SHOC2: variants seen among roughly 807,000 people sequenced by gnomAD.
SHOC2 encodes SHOC2 leucine rich repeat scaffold protein.
Under a neutral mutation model 50.2 loss-of-function variants are expected in SHOC2, and 4 were observed. That is an observed-to-expected ratio of 0.08 (90% CI 0.04 to 0.18). The LOEUF (loss-of-function observed/expected upper bound fraction) is 0.18, where lower values mean the gene tolerates loss of function less well. SHOC2 is among the 10% of genes least tolerant of loss of function. The probability of loss-of-function intolerance (pLI) is 1.00; values close to 1 mark genes in which losing one functional copy is unlikely to be tolerated. For synonymous variants in SHOC2, 218 were observed against 244.5 expected, an observed-to-expected ratio of 0.89 and a Z score of 1.01; for missense variants, 388 against 669.6, an observed-to-expected ratio of 0.58 and a Z score of 4.64.
chr10:110,937,053 G>T (rs774657234), intron 1 of SHOC2: 1 of 1,487,554 alleles, frequency 6.7e-7, no homozygotes. Flanking sequence ...GTGTTCATCC[G>T]CTTGCGGAGG....
chr10:111,011,358 A>G (rs182681572), intron 8 of SHOC2, among the ~76,000 whole-genome samples: 286 of 152,296 alleles, frequency 1.9e-3, no homozygotes, highest in Non-Finnish European at 3.4e-3. Flanking sequence ...AAGACCTACC[A>G]TAAAGGAGGA....
At chr10:110,971,209 T>C (rs1847775548) in intron 2 of SHOC2, among the ~76,000 whole-genome samples, 1 of 152,142 alleles carries the variant, frequency 6.6e-6, no homozygotes. Context: ...TTCAATTCAT[T>C]CTGAGTTAGT....
At chr10:111,005,721 A>C (rs528570770) in intron 5 of SHOC2, among the ~76,000 whole-genome samples, 286 of 152,334 alleles carry the variant, frequency 1.9e-3, no homozygotes, top group African/African-American at 6.7e-3. Flanking sequence ...AAAAGGAGAA[A>C]ACAAATGGAA....
At chr10:110,976,004 G>A (rs1847872463) in intron 2 of SHOC2, among the ~76,000 whole-genome samples, 1 of 151,798 alleles carries the variant, frequency 6.6e-6, no homozygotes, top group Non-Finnish European at 1.5e-5. Context: ...TCTGCCTCAC[G>A]GGTTCAAGTG....
intron 1 of SHOC2, chr10:110,936,478 C>G: frequency 1.8e-6 from 1 of 565,144 alleles, no homozygotes; most frequent in Non-Finnish European, 3.1e-6. Flanking sequence ...CGTAGATTCT[C>G]AAAGGATTCT....
intron 2 of SHOC2, among the ~76,000 whole-genome samples, chr10:110,968,852 A>G (rs889344504): frequency 2.0e-5 from 3 of 152,144 alleles, no homozygotes; most frequent in Non-Finnish European, 4.4e-5. Flanking sequence ...AATAGAGCCT[A>G]CTATTTAGTT....
intron 1 of SHOC2, among the ~76,000 whole-genome samples, chr10:110,922,642 T>C (rs897657455): frequency 6.6e-6 from 1 of 151,968 alleles, no homozygotes; most frequent in Non-Finnish European, 1.5e-5. Flanking sequence ...AGCCTTAAGA[T>C]TAATGCTTAT....
At chr10:110,993,069 A>T (rs773719202) in intron 3 of SHOC2, among the ~76,000 whole-genome samples, 2 of 152,248 alleles carry the variant, frequency 1.3e-5, no homozygotes, top group African/African-American at 4.8e-5. Context: ...CTGACAGCGT[A>T]AGAGAAAGCA....
chr10:111,000,006 A>G (rs1818180777), intron 3 of SHOC2, among the ~76,000 whole-genome samples: 1 of 152,182 alleles, frequency 6.6e-6, no homozygotes, highest in South Asian at 2.1e-4. Flanking sequence ...CTCCAAAATT[A>G]CGTGTACATA....
rs187936581 is a variant in SHOC2, at chr10:110,937,075, C to T, written c.-235+17418C>T. ...TCCGCTTGCGGAGGAAAGCCAAGTA[C>T]TTCAACTTGTTTCTGTAGAAATTGC... On this transcript the variant is annotated intron_variant, in intron 1 of 8. Coordinates refer to ENST00000369452, the MANE Select transcript of SHOC2 (RefSeq NM_007373.4). The T allele has an allele frequency of 5.4e-6, 8 of 1,477,972 alleles. No homozygotes were observed. In the Admixed American group the frequency reaches 1.0e-4, roughly 19 times the overall value. The allele number at this position is 1,477,972 out of a possible 1,614,324, so 91.6% of individuals were successfully genotyped here. A position where few individuals can be genotyped will look rare whatever the true frequency, so the allele number is the denominator to read the frequency against.
chr10:110,981,411 C>G (rs1847973999), intron 2 of SHOC2, among the ~76,000 whole-genome samples: 1 of 152,174 alleles, frequency 6.6e-6, no homozygotes, highest in South Asian at 2.1e-4. Flanking sequence ...CCTGGTGACT[C>G]TGCATCACAT....
intron 3 of SHOC2, among the ~76,000 whole-genome samples, chr10:110,993,701 C>A (rs1848222377): frequency 1.3e-5 from 2 of 151,946 alleles, no homozygotes; most frequent in South Asian, 4.1e-4. Context: ...ATTCTAGGAA[C>A]CTACTCTGGT....
At chr10:110,995,356 C>T (rs867341679) in intron 3 of SHOC2, among the ~76,000 whole-genome samples, 1 of 152,066 alleles carries the variant, frequency 6.6e-6, no homozygotes, top group African/African-American at 2.4e-5. Context: ...ACAGAGAGGT[C>T]GGTAAGAGCT....
intron 1 of SHOC2, among the ~76,000 whole-genome samples, chr10:110,941,111 T>C (rs1847135306): frequency 6.6e-6 from 1 of 151,856 alleles, no homozygotes; most frequent in East Asian, 1.9e-4. Flanking sequence ...TTTAAAATAG[T>C]TGGTATTTAC....
rs1590841192 is a variant in SHOC2, at chr10:111,012,045, G to A, written c.*227G>A. 1.8e-5 allele frequency: 10 copies of A among 541,828 alleles called. No individual in the cohort carries two copies. In the East Asian group the frequency reaches 1.9e-4, roughly 10 times the overall value. The allele number at this position is 541,828 out of a possible 1,614,324, so 33.6% of individuals were successfully genotyped here. A position where few individuals can be genotyped will look rare whatever the true frequency, so the allele number is the denominator to read the frequency against. On this transcript the variant is annotated 3_prime_UTR_variant, in exon 9 of 9. Coordinates refer to ENST00000369452, the MANE Select transcript of SHOC2 (RefSeq NM_007373.4). Reference sequence around the variant, plus strand: ...TGAATTTGATGGATGTTTTTCTGTTGTGTAATCTGATATGCCAGTTTGCTT... The same window carrying A: ...TGAATTTGATGGATGTTTTTCTGTTATGTAATCTGATATGCCAGTTTGCTT...
intron 3 of SHOC2, among the ~76,000 whole-genome samples, chr10:110,996,290 A>T: frequency 6.6e-6 from 1 of 152,182 alleles, no homozygotes; most frequent in East Asian, 1.9e-4. Context: ...GCATTTTGGG[A>T]GGCTGAGGTG....
At position 111,000,557 on chromosome 10, in the gene SHOC2, A is replaced by T. The variant is rs913524232; in HGVS notation, c.972+12A>T. On this transcript the variant is annotated intron_variant, in intron 4 of 8. Coordinates refer to ENST00000369452, the MANE Select transcript of SHOC2 (RefSeq NM_007373.4). ...CTACTTTACCAGAGGTAAGAAGTGG[A>T]TTAGAGAAAACAAGATTTGAAATGA... 6.2e-7 allele frequency: 1 copy of T among 1,605,616 alleles called. No homozygotes were observed. The highest frequency in any genetic ancestry group is 8.5e-7 in the Non-Finnish European group (1 of 1,173,882).
At chr10:110,956,889 C>T (rs1299615065) in intron 1 of SHOC2, among the ~76,000 whole-genome samples, 2 of 151,604 alleles carry the variant, frequency 1.3e-5, no homozygotes, top group African/African-American at 4.9e-5. Context: ...TCGTAAGTAG[C>T]TTCTTCTTGT....
chr10:110,952,455 C>G lies in SHOC2; in HGVS notation c.-234-11670C>G, dbSNP rs529238959. 2.0e-5 allele frequency among the ~76,000 whole-genome samples: 3 copies of G among 152,194 alleles called. No individual in the cohort carries two copies. The South Asian group carries it at 6.2e-4, about 32-fold the overall frequency. On this transcript the variant is annotated intron_variant, in intron 1 of 8. Transcript: ENST00000369452. Reference sequence around the variant, plus strand: ...AATGTGTAATGACATATAACTATCACTATAGTATCATAGGGAATTGCTTTA... The same window carrying G: ...AATGTGTAATGACATATAACTATCAGTATAGTATCATAGGGAATTGCTTTA...
Sources: allele counts gnomAD v4.1 joint callset (sites outside exome capture counted in the v4.1 genomes callset), GRCh38; gene constraint gnomAD v4.1.1; transcripts MANE v1.5; gene names NCBI Gene and HGNC (gene_info 2026-07-23, HGNC 2026-07-21).